TTN: variants seen among roughly 807,000 people sequenced by gnomAD.
The protein encoded by TTN is connectin.
TTN carries 1,525 observed loss-of-function variants against 3,223.0 expected under a neutral mutation model. The ratio of observed to expected loss-of-function variants is 0.47; its 90% CI spans 0.45 to 0.49. The LOEUF is 0.49. TTN is among the 20% of genes least tolerant of loss of function. The pLI, the probability that TTN is intolerant of heterozygous loss-of-function variation, is 0.00. For synonymous variants in TTN, 14,094 were observed against 15,161.0 expected, an observed-to-expected ratio of 0.93 and a Z score of 5.17; for missense variants, 40,786 against 43,424.0, an observed-to-expected ratio of 0.94 and a Z score of 5.40.
Position 178,613,242 on chromosome 2 carries a change from A to G in TTN, c.49567T>C (p.Phe16523Leu), listed in dbSNP as rs1553700258. Residue 16523 changes from phenylalanine (F) to leucine (L), a missense_variant, in exon 264 of 363, where the codon TTC (phenylalanine) becomes CTC (leucine). By Grantham distance (22) the Phe-to-Leu change is conservative (BLOSUM62 0). Coordinates refer to ENST00000589042, the MANE Select transcript of TTN (RefSeq NM_001267550.2). ...KGLTNKKKYR[F>L]RVLAENLAGP... ...GCAAGATTTTCAGCCAACACACGGAATCTGTATTTTTTCTTATTAGTGAGA... is the reference window on the plus strand; with the variant it reads ...GCAAGATTTTCAGCCAACACACGGAGTCTGTATTTTTTCTTATTAGTGAGA... 6.2e-7 allele frequency: 1 copy of G among 1,611,276 alleles called. No homozygotes were observed. Among genetic ancestry groups the G allele is most frequent in the Non-Finnish European group, 8.5e-7 (1 of 1,178,762 alleles).
intron 361 of TTN, 31 bp downstream of exon 361, chr2:178,528,243 A>C: frequency 1.2e-6 from 2 of 1,602,628 alleles, no homozygotes; most frequent in Non-Finnish European, 1.7e-6. Flanking sequence ...GGCCTTAAAC[A>C]TGTAAGGAAG....
rs1707625464 is a variant in TTN at position 178,570,159 on chromosome 2, A to G, written c.75973T>C (p.Trp25325Arg). ...TVTKDSMIVV[W>R]ERPASDGGSE... is the part of the protein sequence containing the mutation. ...CCACCATCAGATGCTGGTCTTTCCCATACAACAATCATTGAGTCCTTGGTC... is the reference window on the plus strand; with the variant it reads ...CCACCATCAGATGCTGGTCTTTCCCGTACAACAATCATTGAGTCCTTGGTC... Residue 25325 changes from tryptophan to arginine, a missense_variant, in exon 326 of 363, where the codon TGG becomes CGG. Trp to Arg is a moderately radical substitution (Grantham distance 101). Coordinates refer to ENST00000589042, the MANE Select transcript of TTN (RefSeq NM_001267550.2). The G allele has an allele frequency of 1.2e-6, 2 of 1,613,504 alleles. No homozygotes were observed. Among genetic ancestry groups the G allele is most frequent in the Non-Finnish European group, 1.7e-6 (2 of 1,179,628 alleles).
At position 178,765,988 on chromosome 2, in the gene TTN, C is replaced by T. The variant is rs372980923; in HGVS notation, c.9703+393G>A. ...GACTTTTGAGTTCTCCCAGGCACTC[C>T]ATATCAGAGGCTGGAAACACCCCTT... is the stretch of plus-strand genomic sequence containing the variant. On this transcript the variant is annotated intron_variant, in intron 41 of 362. Transcript: ENST00000589042. Among the ~76,000 whole-genome samples the T allele has an allele frequency of 1.4e-4, 22 of 152,238 alleles. No homozygotes were observed. The East Asian group carries it at 3.7e-3, about 25-fold the overall frequency.
Position 178,611,440 on chromosome 2 carries a change from GCT to G in TTN, c.50787_50788del (p.Arg16929SerfsTer12). The G allele has an allele frequency of 6.2e-7, 1 of 1,612,842 alleles. No homozygotes were observed. The highest frequency in any genetic ancestry group is 8.5e-7 in the Non-Finnish European group (1 of 1,179,284). ...CTCGCTGACACCAATAGCATTGACT[GCT>G]CTCACTCTCAGGACATATTCTTTGT... is the stretch of plus-strand genomic sequence containing the variant. On this transcript the variant is annotated frameshift_variant, in exon 269 of 363. Coordinates refer to ENST00000589042, the MANE Select transcript of TTN (RefSeq NM_001267550.2). LOFTEE classifies it high-confidence loss of function.
intron 92 of TTN, 36 bp from the exon 93 acceptor site, chr2:178,713,408 C>A (rs1560591738): frequency 2.1e-6 from 3 of 1,459,618 alleles, no homozygotes; most frequent in Admixed American, 2.8e-5. Flanking sequence ...CAAAACAAAA[C>A]AAAAAAAACA....
intron 361 of TTN, 75 bp from the exon 362 acceptor site, chr2:178,527,823 G>T: frequency 7.1e-7 from 1 of 1,406,534 alleles, no homozygotes; most frequent in Non-Finnish European, 9.5e-7. Flanking sequence ...CTGACTTACA[G>T]AAATGGAAAC....
Position 178,549,173 on chromosome 2 carries a change from G to A in TTN, c.92453C>T (p.Pro30818Leu). 1 of 1,613,730 alleles carries A rather than the reference G, an allele frequency of 6.2e-7. No homozygotes were observed. Among genetic ancestry groups the A allele is most frequent in the Non-Finnish European group, 8.5e-7 (1 of 1,179,826 alleles). The stretch of plus-strand genomic sequence containing the variant: ...TGTGGGAGGACCTGGTGGGTTGACG[G>A]GCTCTCTACATTTAATGAGTCTTGA... The part of the protein sequence containing the change: ...GISRLIKCRE[P>L]VNPPGPPTVV... The change falls in exon 339 of 363, where the codon CCC (proline) becomes CTC (leucine). Residue 30818 changes from proline (P) to leucine (L), a missense_variant. Coordinates refer to ENST00000589042, the MANE Select transcript of TTN (RefSeq NM_001267550.2).
chr2:178,772,987 G>T, intron 33 of TTN, 122 bp downstream of exon 33: 1 of 1,297,734 alleles, frequency 7.7e-7, no homozygotes, highest in Non-Finnish European at 1.1e-6. Context: ...TATTGGCTTT[G>T]GGAACAGCAT....
rs727504522 is a variant in TTN at position 178,749,991 on chromosome 2, C to G, written c.11311+3133G>C. ...TGTTTTGGTGATTGAGTAACTTGAT[C>G]TTGAGGCATTGCTTTAGGTTCCAGC... On this transcript the variant is annotated intron_variant, in intron 47 of 362. Coordinates refer to ENST00000589042, the MANE Select transcript of TTN (RefSeq NM_001267550.2). 1.1e-5 allele frequency: 18 copies of G among 1,613,044 alleles called. No individual in the cohort carries two copies. The African/African-American group carries it at 1.6e-4, about 14-fold the overall frequency.
chr2:178,802,290 G>A lies in TTN; in HGVS notation c.143C>T (p.Thr48Ile), dbSNP rs1295047971. The A allele has an allele frequency of 6.2e-7, 1 of 1,614,170 alleles. No individual in the cohort carries two copies. Among genetic ancestry groups the A allele is most frequent in the East Asian group, 2.2e-5 (1 of 44,858 alleles). Residue 48 changes from threonine (T) to isoleucine (I), a missense_variant, in exon 3 of 363, where the codon ACT (threonine) becomes ATT (isoleucine). Thr to Ile is a moderately conservative substitution (Grantham distance 89). Coordinates refer to ENST00000589042, the MANE Select transcript of TTN (RefSeq NM_001267550.2). ...SWFRDGQVIS[T>I]STLPGVQISF... Reference sequence around the variant, plus strand: ...GATCTGCACGCCGGGCAGAGTGGAAGTGGAAATCACCTGGCCATCCCTAAA... The same window carrying A: ...GATCTGCACGCCGGGCAGAGTGGAAATGGAAATCACCTGGCCATCCCTAAA...
At chr2:178,746,724 C>T (rs147492121) in intron 47 of TTN, 1 of 1,613,436 alleles carries the variant, frequency 6.2e-7, no homozygotes, top group South Asian at 1.1e-5. Flanking sequence ...ATTCTTTCAT[C>T]TGGCTCTAGT....
At chr2:178,686,823 T>A (rs2071051296) in intron 127 of TTN, among the ~76,000 whole-genome samples, 1 of 152,238 alleles carries the variant, frequency 6.6e-6, no homozygotes, top group Admixed American at 6.5e-5. Flanking sequence ...AACATAAAAA[T>A]AATCACAGTG....
intron 43 of TTN, among the ~76,000 whole-genome samples, chr2:178,763,077 C>A (rs769178424): frequency 6.6e-6 from 1 of 152,158 alleles, no homozygotes; most frequent in African/African-American, 2.4e-5. Context: ...CAAAACAATA[C>A]AACTTTGCAA....
rs150884428 is a variant in TTN at position 178,775,802 on chromosome 2, C to A, written c.6062G>T (p.Arg2021Leu). The A allele has an allele frequency of 4.9e-5, 79 of 1,613,574 alleles. No individual in the cohort carries two copies. Among genetic ancestry groups the A allele is most frequent in the Non-Finnish European group, 6.4e-5 (75 of 1,179,860 alleles). ...EAITAVELKS[R>L]KKDESYEELL... Reference sequence around the variant, plus strand: ...TTCCTCATAGGATTCATCCTTCTTTCGAGACTTGAGCTCCACAGCGGTAAT... The same window carrying A: ...TTCCTCATAGGATTCATCCTTCTTTAGAGACTTGAGCTCCACAGCGGTAAT... The change falls in exon 28 of 363, where the codon CGA becomes CTA. Residue 2021 changes from arginine to leucine, a missense_variant. By Grantham distance (102) the Arg-to-Leu change is moderately radical. Transcript: ENST00000589042.
Position 178,566,348 on chromosome 2 carries a change from T to C in TTN, c.79784A>G (p.Asp26595Gly). The change falls in exon 326 of 363, where the codon GAC becomes GGC. Residue 26595 changes from aspartate (D) to glycine (G), a missense_variant. Physicochemically the swap from Asp to Gly is moderately conservative, Grantham distance 94. Transcript: ENST00000589042. ...DKLEAPELDL[D>G]SELRKGIVVR... ...AACAATTCCTTTTCTTAATTCGGAG[T>C]CAAGGTCAAGTTCAGGTGCTTCAAG... 6.2e-7 allele frequency: 1 copy of C among 1,613,496 alleles called. No individual in the cohort carries two copies. Among genetic ancestry groups the C allele is most frequent in the Non-Finnish European group, 8.5e-7 (1 of 1,179,670 alleles).
In TTN at chr2:178,569,425, G is replaced by T. The variant is rs1002726225; in HGVS notation, c.76707C>A (p.Asp25569Glu). 2.5e-6 allele frequency: 4 copies of T among 1,613,306 alleles called. No individual in the cohort carries two copies. The highest frequency in any genetic ancestry group is 3.4e-6 in the Non-Finnish European group (4 of 1,179,558). The change falls in exon 326 of 363, where the codon GAC becomes GAA. Residue 25569 changes from aspartate to glutamate, a missense_variant. By Grantham distance (45) the Asp-to-Glu change is conservative. Coordinates refer to ENST00000589042, the MANE Select transcript of TTN (RefSeq NM_001267550.2). ...TTCCACTATCATATCGGTTGACATT[G>T]TCAAGAACAAGAGAGGTGAAACTGC... is the stretch of plus-strand genomic sequence containing the variant. ...VTSSFTSLVL[D>E]NVNRYDSGKY...
intron 100 of TTN, 38 bp from the exon 101 acceptor site, chr2:178,706,992 C>T (rs1250627401): frequency 3.2e-6 from 5 of 1,540,694 alleles, no homozygotes; most frequent in South Asian, 1.2e-5. Flanking sequence ...CTACAATCAC[C>T]TCAGAATTAC....
At chr2:178,717,843 A>G in intron 86 of TTN, 33 bp from the exon 87 acceptor site, 2 of 1,576,366 alleles carry the variant, frequency 1.3e-6, no homozygotes, top group Non-Finnish European at 1.7e-6. Context: ...CCTTATTTAC[A>G]GGTGAGAAGG....
Position 178,602,490 on chromosome 2 carries a change from G to A in TTN, c.54912C>T (p.Ile18304=), listed in dbSNP as rs755601760. The A allele has an allele frequency of 2.5e-6, 4 of 1,611,528 alleles. No homozygotes were observed. Among genetic ancestry groups the A allele is most frequent in the Non-Finnish European group, 3.4e-6 (4 of 1,178,714 alleles). ...CTTGCATTTCTACAATGTATCCTTT[G>A]ATTGGGCTGCCACCATCTTTGGCTG... is the stretch of plus-strand genomic sequence containing the variant. ...KPPAKDGGSP[I]KGYIVEMQEE... Residue 18304 remains isoleucine, a synonymous_variant, in exon 283 of 363, where the codon ATC becomes ATT. Transcript: ENST00000589042.
Sources: gnomAD v4.1 joint callset for allele counts (sites outside exome capture counted in the v4.1 genomes callset) on GRCh38, gnomAD v4.1.1 for gene constraint, MANE v1.5 for transcripts, NCBI Gene and HGNC (gene_info 2026-07-23, HGNC 2026-07-21) for gene names.